SIPA1L1: variants seen among roughly 807,000 people sequenced by gnomAD.
SIPA1L1 encodes the protein signal-induced proliferation-associated 1-like protein 1.
In SIPA1L1, 26 loss-of-function variants were observed where a neutral mutation model predicts 162.7. That is an observed-to-expected ratio of 0.16 (90% CI 0.12 to 0.22). The LOEUF (loss-of-function observed/expected upper bound fraction) is 0.22. Among genes scored for constraint, SIPA1L1 ranks in the 10% least tolerant of loss-of-function variants. SIPA1L1 has a pLI of 1.00. For synonymous variants in SIPA1L1, 829 were observed against 837.4 expected, an observed-to-expected ratio of 0.99 and a Z score of 0.17; for missense variants, 1,874 against 2,241.0, an observed-to-expected ratio of 0.84 and a Z score of 3.31.
chr14:71,550,731 A>G (rs1194882164), intron 4 of SIPA1L1, among the ~76,000 whole-genome samples: 1 of 151,962 alleles, frequency 6.6e-6, no homozygotes, highest in Non-Finnish European at 1.5e-5. Context: ...TACTTTTCTG[A>G]TATTTCCACC....
chr14:71,668,914 G>T (rs1013920983), intron 10 of SIPA1L1, among the ~76,000 whole-genome samples: 1 of 152,168 alleles, frequency 6.6e-6, no homozygotes, highest in Non-Finnish European at 1.5e-5. Context: ...GTAACTACAT[G>T]CAGCAAACTG....
At chr14:71,570,255 A>G (rs1596187455) in intron 4 of SIPA1L1, among the ~76,000 whole-genome samples, 2 of 151,254 alleles carry the variant, frequency 1.3e-5, no homozygotes, top group East Asian at 3.9e-4. Context: ...TTTAAAATCC[A>G]TTTATCTTTA....
chr14:71,725,211 C>A (rs1201333534), intron 19 of SIPA1L1, among the ~76,000 whole-genome samples: 1 of 152,208 alleles, frequency 6.6e-6, no homozygotes, highest in Non-Finnish European at 1.5e-5. Context: ...GTTTTACTGT[C>A]TTCTGTCCAG....
At chr14:71,406,235 A>G (rs144780370) in intron 2 of SIPA1L1, among the ~76,000 whole-genome samples, 1,920 of 152,336 alleles carry the variant, frequency 0.013, 15 homozygotes, top group Admixed American at 0.02. Context: ...AGAAGCCTCA[A>G]AAATGAAGAT....
intron 2 of SIPA1L1, among the ~76,000 whole-genome samples, chr14:71,378,532 A>G (rs927065970): frequency 5.3e-5 from 8 of 152,172 alleles, no homozygotes; most frequent in African/African-American, 1.9e-4. Flanking sequence ...TGGAATTTCA[A>G]TCCTTTTATT....
intron 22 of SIPA1L1, 57 bp from the exon 23 acceptor site, chr14:71,738,184 A>C (rs1326070442): frequency 1.4e-5 from 11 of 782,726 alleles, no homozygotes; most frequent in East Asian, 6.0e-5. Context: ...AAAAAAAAAA[A>C]AACAAACCCA....
At chr14:71,502,242 GAAAAAA>G (rs139102210) in intron 2 of SIPA1L1, among the ~76,000 whole-genome samples, 2 of 108,318 alleles carry the variant, frequency 1.8e-5, no homozygotes, top group African/African-American at 7.4e-5. Context: ...TGAGATACTT[GAAAAAA>G]AAAAAAAATA....
intron 3 of SIPA1L1, among the ~76,000 whole-genome samples, chr14:71,527,249 G>A (rs998931019): frequency 2.6e-5 from 4 of 152,198 alleles, no homozygotes; most frequent in African/African-American, 9.7e-5. Flanking sequence ...CTGGGGACAA[G>A]CGATCCTCCT....
chr14:71,643,922 C>T (rs2041939985), intron 7 of SIPA1L1, among the ~76,000 whole-genome samples: 1 of 152,022 alleles, frequency 6.6e-6, no homozygotes, highest in South Asian at 2.1e-4. Context: ...ATTCTCATGC[C>T]TCAGCCTCCT....
chr14:71,595,905 C>T (rs1044830276), intron 5 of SIPA1L1, among the ~76,000 whole-genome samples: 1 of 152,212 alleles, frequency 6.6e-6, no homozygotes, highest in African/African-American at 2.4e-5. Context: ...TATGTAACTT[C>T]AGGGCCTCAT....
intron 2 of SIPA1L1, among the ~76,000 whole-genome samples, chr14:71,470,924 G>A (rs1388444851): frequency 1.3e-5 from 2 of 151,972 alleles, no homozygotes; most frequent in African/African-American, 2.4e-5. Flanking sequence ...TGCAAGCTCC[G>A]CCTCCTGGGT....
intron 2 of SIPA1L1, chr14:71,503,709 TA>T: frequency 6.6e-6 from 1 of 152,314 alleles, no homozygotes; most frequent in Admixed American, 6.5e-5. Flanking sequence ...TATGTTGGAA[TA>T]ATTTTATATT....
At chr14:71,690,124 C>T (rs986538057) in intron 13 of SIPA1L1, among the ~76,000 whole-genome samples, 6 of 152,220 alleles carry the variant, frequency 3.9e-5, no homozygotes, top group African/African-American at 1.4e-4. Context: ...TTTCCAAATA[C>T]TGGCCCCCTC....
intron 12 of SIPA1L1, among the ~76,000 whole-genome samples, chr14:71,677,723 A>G (rs181485519): frequency 1.4e-3 from 208 of 152,324 alleles, no homozygotes; most frequent in Non-Finnish European, 2.5e-3. Context: ...TCATTTATTA[A>G]ATAGGGAATC....
chr14:71,649,682 T>C (rs2149065657), intron 7 of SIPA1L1, among the ~76,000 whole-genome samples: 1 of 152,320 alleles, frequency 6.6e-6, no homozygotes, highest in South Asian at 2.1e-4. Flanking sequence ...TGATTTGCCA[T>C]TGTGAGGCCT....
intron 2 of SIPA1L1, among the ~76,000 whole-genome samples, chr14:71,453,052 T>G: frequency 6.6e-6 from 1 of 152,228 alleles, no homozygotes; most frequent in East Asian, 1.9e-4. Flanking sequence ...CTGTTCCATG[T>G]TTAGTGAATT....
intron 2 of SIPA1L1, among the ~76,000 whole-genome samples, chr14:71,493,000 A>T (rs1234903392): frequency 6.6e-6 from 1 of 152,072 alleles, no homozygotes; most frequent in East Asian, 1.9e-4. Context: ...TCTTTTACTT[A>T]TGTAACTGTT....
At chr14:71,514,506 A>G (rs374728850) in intron 3 of SIPA1L1, among the ~76,000 whole-genome samples, 1 of 152,172 alleles carries the variant, frequency 6.6e-6, no homozygotes, top group East Asian at 1.9e-4. Context: ...GGTGTTTCCT[A>G]TCTATAGGGA....
intron 12 of SIPA1L1, among the ~76,000 whole-genome samples, chr14:71,675,315 C>G (rs1441321154): frequency 6.6e-6 from 1 of 152,174 alleles, no homozygotes; most frequent in Non-Finnish European, 1.5e-5. Flanking sequence ...CACTGCACAG[C>G]CCCACCAGCC....
Sources: gnomAD v4.1 joint callset for allele counts (sites outside exome capture counted in the v4.1 genomes callset) on GRCh38, gnomAD v4.1.1 for gene constraint, MANE v1.5 for transcripts, NCBI Gene and HGNC (gene_info 2026-07-23, HGNC 2026-07-21) for gene names.